Variants in TRPS1 observed in about 807,000 individuals in gnomAD.
TRPS1 encodes the protein zinc finger transcription factor Trps1.
TRPS1 carries 6 observed loss-of-function variants against 101.2 expected under a neutral mutation model. The ratio of observed to expected loss-of-function variants is 0.06; its 90% CI spans 0.03 to 0.12. The LOEUF is 0.12. Ranked by LOEUF, TRPS1 falls within the 10% of genes least tolerant of loss-of-function variation. The pLI is 1.00. For synonymous variants in TRPS1, 578 were observed against 589.8 expected (o/e 0.98, Z 0.29); for missense variants, 1,363 against 1,567.0 (o/e 0.87, Z 2.20).
At chr8:115,573,055 T>C (rs1330651099) in intron 5 of TRPS1, among the ~76,000 whole-genome samples, 5 of 150,236 alleles carry the variant, frequency 3.3e-5, no homozygotes, top group African/African-American at 1.2e-4. Flanking sequence ...ACCCAGGAGG[T>C]GGAGGTTGTG....
chr8:115,500,317 C>T (rs971778305), intron 5 of TRPS1, among the ~76,000 whole-genome samples: 24 of 152,016 alleles, frequency 1.6e-4, no homozygotes, highest in African/African-American at 5.1e-4. Context: ...TGTGAGGCAC[C>T]GTGCCCGGCC....
At chr8:115,435,335 A>G (rs1176687040) in intron 5 of TRPS1, among the ~76,000 whole-genome samples, 1 of 152,208 alleles carries the variant, frequency 6.6e-6, no homozygotes, top group Non-Finnish European at 1.5e-5. Flanking sequence ...GGTAGCACCC[A>G]AGGGTGATAA....
At chr8:115,440,995 C>T (rs1318609969) in intron 5 of TRPS1, among the ~76,000 whole-genome samples, 1 of 152,092 alleles carries the variant, frequency 6.6e-6, no homozygotes, top group Non-Finnish European at 1.5e-5. Context: ...AAAAAAAAAC[C>T]TCATGATCTT....
intron 5 of TRPS1, chr8:115,511,096 A>C (rs760232419): frequency 6.6e-5 from 10 of 151,880 alleles, no homozygotes; most frequent in Non-Finnish European, 1.3e-4. Flanking sequence ...AAAAGCATTA[A>C]CTTCTGCCAG....
chr8:115,596,849 GTA>G (rs1014171026), intron 4 of TRPS1, among the ~76,000 whole-genome samples: 1 of 151,662 alleles, frequency 6.6e-6, no homozygotes, highest in African/African-American at 2.4e-5. Flanking sequence ...ATGAAAATTT[GTA>G]TAGTTTTATC....
At chr8:115,623,497 C>T in intron 2 of TRPS1, 104 bp downstream of exon 2, 1 of 1,385,332 alleles carries the variant, frequency 7.2e-7, no homozygotes, top group South Asian at 1.2e-5. Flanking sequence ...TATAGCCACC[C>T]TCAAGTTATT....
chr8:115,485,667 C>T (rs575478914), intron 5 of TRPS1, among the ~76,000 whole-genome samples: 19 of 152,198 alleles, frequency 1.2e-4, no homozygotes, highest in Admixed American at 1.0e-3. Flanking sequence ...AACTTCACCA[C>T]GATCTATGCC....
intron 5 of TRPS1, among the ~76,000 whole-genome samples, chr8:115,445,930 T>C (rs1009816649): frequency 6.6e-6 from 1 of 152,186 alleles, no homozygotes; most frequent in African/African-American, 2.4e-5. Context: ...TATACTTAAA[T>C]ATATGATGAA....
intron 5 of TRPS1, among the ~76,000 whole-genome samples, chr8:115,422,759 T>A (rs1279452573): frequency 6.6e-6 from 1 of 152,200 alleles, no homozygotes; most frequent in African/African-American, 2.4e-5. Context: ...CACAAATTGC[T>A]GATGGTTCTA....
intron 1 of TRPS1, among the ~76,000 whole-genome samples, chr8:115,635,970 T>A (rs1818758880): frequency 6.6e-6 from 1 of 152,200 alleles, no homozygotes; most frequent in African/African-American, 2.4e-5. Flanking sequence ...GGATTATGGA[T>A]AGTTTTCCTA....
At chr8:115,596,348 T>C (rs1424779947) in intron 4 of TRPS1, among the ~76,000 whole-genome samples, 1 of 151,918 alleles carries the variant, frequency 6.6e-6, no homozygotes, top group Non-Finnish European at 1.5e-5. Context: ...CATTCATTCA[T>C]ATATTTACTT....
At position 115,619,587 on chromosome 8, in the gene TRPS1, G is replaced by A; in HGVS notation, c.511C>T (p.Pro171Ser). ...LETKEDQKMSPKATEETGQAQ... is the reference protein window; with the variant it reads ...LETKEDQKMSSKATEETGQAQ... ...TGCCCTGTTTCCTCTGTAGCCTTTG[G>A]TGACATCTTCTGATCTTCCTTTGTC... The change falls in exon 3 of 7, where the codon CCA becomes TCA. Residue 171 changes from proline (P) to serine (S), a missense_variant. Physicochemically the swap from Pro to Ser is moderately conservative, Grantham distance 74 (BLOSUM62 -1). Transcript: ENST00000395715. 1 of 1,614,128 alleles carries A rather than the reference G, an allele frequency of 6.2e-7. No individual in the cohort carries two copies. The highest frequency in any genetic ancestry group is 8.5e-7 in the Non-Finnish European group (1 of 1,180,038).
intron 5 of TRPS1, among the ~76,000 whole-genome samples, chr8:115,542,914 G>A (rs1472373050): frequency 2.6e-5 from 4 of 152,156 alleles, no homozygotes; most frequent in Non-Finnish European, 1.5e-5. Flanking sequence ...AAAAGCACAA[G>A]CTTAAGCTTT....
At chr8:115,578,472 T>C (rs1292250906) in intron 5 of TRPS1, among the ~76,000 whole-genome samples, 5 of 152,122 alleles carry the variant, frequency 3.3e-5, no homozygotes, top group Non-Finnish European at 7.4e-5. Flanking sequence ...AAATGTCCTT[T>C]ATAATTAAAA....
At chr8:115,459,862 T>C (rs1814122817) in intron 5 of TRPS1, among the ~76,000 whole-genome samples, 1 of 152,196 alleles carries the variant, frequency 6.6e-6, no homozygotes, top group Admixed American at 6.5e-5. Context: ...TAAGTCTTTT[T>C]TGTAGACCAG....
chr8:115,504,354 A>C (rs536550404), intron 5 of TRPS1, among the ~76,000 whole-genome samples: 2 of 152,342 alleles, frequency 1.3e-5, no homozygotes, highest in South Asian at 4.1e-4. Flanking sequence ...CTATATTTGC[A>C]AATCAATTAT....
At chr8:115,636,443 G>A (rs1183579983) in intron 1 of TRPS1, among the ~76,000 whole-genome samples, 1 of 152,118 alleles carries the variant, frequency 6.6e-6, no homozygotes, top group Non-Finnish European at 1.5e-5. Context: ...CATATATTAT[G>A]TATTTATTGG....
chr8:115,548,043 A>T (rs76900754), intron 5 of TRPS1, among the ~76,000 whole-genome samples: 4,463 of 151,818 alleles, frequency 0.029, 207 homozygotes, highest in African/African-American at 0.1. Flanking sequence ...CAGCCTGAGC[A>T]ACGTAGTGAA....
At chr8:115,542,489 G>A (rs1816476873) in intron 5 of TRPS1, among the ~76,000 whole-genome samples, 2 of 151,568 alleles carry the variant, frequency 1.3e-5, no homozygotes, top group Admixed American at 1.3e-4. Flanking sequence ...TCTCTAAAAG[G>A]AAGACTGAAA....
Sources: gnomAD v4.1 joint callset for allele counts (sites outside exome capture counted in the v4.1 genomes callset) on GRCh38, gnomAD v4.1.1 for gene constraint, MANE v1.5 for transcripts, NCBI Gene and HGNC (gene_info 2026-07-23, HGNC 2026-07-21) for gene names.